Variants in KCNC2 observed in about 807,000 individuals in gnomAD.
KCNC2 encodes voltage-gated potassium channel KCNC2.
Under a neutral mutation model 44.5 loss-of-function variants are expected in KCNC2, and 21 were observed. The ratio of observed to expected loss-of-function variants is 0.47; its 90% CI spans 0.33 to 0.68. The LOEUF (loss-of-function observed/expected upper bound fraction) is 0.68, where lower values mean the gene tolerates loss of function less well. Among genes scored for constraint, KCNC2 ranks in the 30% least tolerant of loss-of-function variants. KCNC2 has a pLI of 0.01. For missense variants in KCNC2, 589 were observed against 826.2 expected (o/e 0.71, Z 3.52); for synonymous variants, 391 against 339.1 (o/e 1.15, Z -1.68).
intron 2 of KCNC2, among the ~76,000 whole-genome samples, chr12:75,071,445 A>G (rs1249115251): frequency 6.6e-6 from 1 of 152,334 alleles, no homozygotes; most frequent in East Asian, 1.9e-4. Flanking sequence ...CATTATTTGT[A>G]ATCTTAAATG....
chr12:75,084,338 T>C (rs1884808689), intron 2 of KCNC2, among the ~76,000 whole-genome samples: 1 of 132,490 alleles, frequency 7.5e-6, no homozygotes, highest in Non-Finnish European at 1.6e-5. Context: ...ATAGATATAC[T>C]ATTATGTGTC....
chr12:75,107,006 A>G (rs941318553), intron 2 of KCNC2, among the ~76,000 whole-genome samples: 5 of 152,100 alleles, frequency 3.3e-5, no homozygotes, highest in African/African-American at 1.2e-4. Context: ...AAGATCAGTC[A>G]AAAGTAATAT....
intron 2 of KCNC2, among the ~76,000 whole-genome samples, chr12:75,125,444 C>T (rs545865823): frequency 2.6e-5 from 4 of 152,228 alleles, no homozygotes; most frequent in South Asian, 4.1e-4. Flanking sequence ...TTTCAATATA[C>T]CCACAATTAA....
chr12:75,191,564 G>A (rs2030265840), intron 2 of KCNC2, among the ~76,000 whole-genome samples: 2 of 37,500 alleles, frequency 5.3e-5, no homozygotes, highest in South Asian at 2.0e-3. Flanking sequence ...TTTTTTTGGA[G>A]ACGGAGTCTC....
chr12:75,067,911 CTT>C (rs1032749787), intron 2 of KCNC2, among the ~76,000 whole-genome samples: 7 of 151,898 alleles, frequency 4.6e-5, no homozygotes, highest in African/African-American at 1.7e-4. Flanking sequence ...TGTTCTCCGT[CTT>C]GTGCATGTAG....
At chr12:75,091,778 C>T (rs1227262182) in intron 2 of KCNC2, among the ~76,000 whole-genome samples, 1 of 151,278 alleles carries the variant, frequency 6.6e-6, no homozygotes, top group African/African-American at 2.4e-5. Flanking sequence ...AAAAAAAAAT[C>T]TATGTAGACA....
At position 75,207,691 on chromosome 12, in the gene KCNC2, C is replaced by T. The variant is rs974407730; in HGVS notation, c.293G>A (p.Gly98Asp). The T allele has an allele frequency of 1.3e-6, 2 of 1,599,326 alleles. No homozygotes were observed. Among genetic ancestry groups the T allele is most frequent in the African/African-American group, 2.7e-5 (2 of 74,662 alleles). Residue 98 changes from glycine to aspartate, a missense_variant, in exon 2 of 5, where the codon GGC becomes GAC. By Grantham distance (94) the Gly-to-Asp change is moderately conservative (BLOSUM62 -1). Coordinates refer to ENST00000549446, the MANE Select transcript of KCNC2 (RefSeq NM_139137.4). The surrounding 1 kb of genome is among the most constrained non-coding windows in gnomAD (Gnocchi z 4.1). ...CCGGTCGAAGAAGAACTCGCGGCCG[C>T]CACCGGGATGGTCGCTGGCCCTGCC... is the stretch of plus-strand genomic sequence containing the variant. ...RGGRASDHPGGGREFFFDRHP... is the reference protein window; with the variant it reads ...RGGRASDHPGDGREFFFDRHP...
At chr12:75,053,007 T>C (rs1233015364) in intron 2 of KCNC2, among the ~76,000 whole-genome samples, 3 of 152,254 alleles carry the variant, frequency 2.0e-5, no homozygotes, top group East Asian at 3.9e-4. Flanking sequence ...AACATTCTTT[T>C]GTCATTCAGT....
At chr12:75,121,233 C>T (rs1888025961) in intron 2 of KCNC2, among the ~76,000 whole-genome samples, 2 of 152,218 alleles carry the variant, frequency 1.3e-5, no homozygotes, top group African/African-American at 2.4e-5. Context: ...ATTACAGCTG[C>T]TTTGTTTTCA....
At chr12:75,202,828 C>A (rs1396676365) in intron 2 of KCNC2, among the ~76,000 whole-genome samples, 7 of 149,832 alleles carry the variant, frequency 4.7e-5, no homozygotes, top group African/African-American at 1.7e-4. Flanking sequence ...ATTTTTAACA[C>A]CTCTAGAATT....
At chr12:75,161,118 T>A (rs1241397193) in intron 2 of KCNC2, among the ~76,000 whole-genome samples, 2 of 151,694 alleles carry the variant, frequency 1.3e-5, no homozygotes, top group Non-Finnish European at 3.0e-5. Flanking sequence ...TTAGGTCTCA[T>A]GTTGCAAAAA....
chr12:75,202,052 C>A (rs1265265190), intron 2 of KCNC2, among the ~76,000 whole-genome samples: 5 of 151,812 alleles, frequency 3.3e-5, no homozygotes, highest in Non-Finnish European at 5.9e-5. Context: ...CAATGATAAA[C>A]ATTTTCAAAT....
intron 2 of KCNC2, among the ~76,000 whole-genome samples, chr12:75,116,938 C>T (rs1887701304): frequency 6.6e-6 from 1 of 152,220 alleles, no homozygotes; most frequent in Non-Finnish European, 1.5e-5. Flanking sequence ...CTCTAGCTAT[C>T]ATTTCCAGTC....
intron 2 of KCNC2, among the ~76,000 whole-genome samples, chr12:75,114,863 T>A (rs1300540854): frequency 7.3e-6 from 1 of 136,498 alleles, no homozygotes. Flanking sequence ...CTACTTTTTT[T>A]TTTTTTTTTT....
chr12:75,055,115 G>A (rs1020648060), intron 2 of KCNC2, among the ~76,000 whole-genome samples: 1 of 152,032 alleles, frequency 6.6e-6, no homozygotes, highest in Non-Finnish European at 1.5e-5. Flanking sequence ...AAATCTTCAA[G>A]GACTAGACTG....
intron 2 of KCNC2, among the ~76,000 whole-genome samples, chr12:75,136,808 T>C (rs923749588): frequency 3.3e-5 from 5 of 152,000 alleles, no homozygotes; most frequent in Admixed American, 3.3e-4. Context: ...GAGGAGGGAA[T>C]CCTCCCTAAC....
At chr12:75,115,037 G>A (rs530946874) in intron 2 of KCNC2, among the ~76,000 whole-genome samples, 19 of 151,690 alleles carry the variant, frequency 1.3e-4, no homozygotes, top group Non-Finnish European at 2.8e-4. Context: ...CTAATTTTTT[G>A]TATTTTTAGT....
At chr12:75,105,007 T>C (rs1287007168) in intron 2 of KCNC2, among the ~76,000 whole-genome samples, 1 of 152,126 alleles carries the variant, frequency 6.6e-6, no homozygotes, top group Non-Finnish European at 1.5e-5. Context: ...GATCAAAAAA[T>C]ATAGAAGTCC....
At chr12:75,075,516 C>T (rs1883872528) in intron 2 of KCNC2, among the ~76,000 whole-genome samples, 1 of 145,860 alleles carries the variant, frequency 6.9e-6, no homozygotes, top group African/African-American at 2.5e-5. Context: ...ATTGCTACAG[C>T]ATGTTACCTT....
Sources: gnomAD v4.1 joint callset for allele counts (sites outside exome capture counted in the v4.1 genomes callset) on GRCh38, gnomAD v4.1.1 for gene constraint, Gnocchi (gnomAD v3.1) non-coding constraint, MANE v1.5 for transcripts, NCBI Gene and HGNC (gene_info 2026-07-23, HGNC 2026-07-21) for gene names.